The following MEGF11 variants were observed in gnomAD, a reference collection of about 807,000 sequenced individuals.
MEGF11 encodes the protein multiple epidermal growth factor-like domains protein 11.
Under a neutral mutation model 146.6 loss-of-function variants are expected in MEGF11, and 126 were observed. The observed-to-expected ratio is 0.86, with a 90% CI of 0.74 to 1.00. The LOEUF is 1.00. MEGF11 is among the 50% of genes least tolerant of loss of function. The pLI is 0.00. For missense variants in MEGF11, 1,509 were observed against 1,521.2 expected (o/e 0.99, Z 0.13); for synonymous variants, 532 against 583.4 (o/e 0.91, Z 1.27).
At chr15:66,192,433 G>A (rs2090906881) in intron 1 of MEGF11, among the ~76,000 whole-genome samples, 1 of 150,744 alleles carries the variant, frequency 6.6e-6, no homozygotes, top group Non-Finnish European at 1.5e-5. Flanking sequence ...TCATGCCACT[G>A]CACTCCAGCC....
intron 4 of MEGF11, among the ~76,000 whole-genome samples, chr15:66,101,863 A>G (rs1175530439): frequency 6.6e-6 from 1 of 152,202 alleles, no homozygotes; most frequent in Non-Finnish European, 1.5e-5. Flanking sequence ...ATCAAAGCCT[A>G]GGCTCTGGCC....
chr15:66,119,822 C>A (rs1194925494), intron 3 of MEGF11, among the ~76,000 whole-genome samples: 1 of 152,146 alleles, frequency 6.6e-6, no homozygotes, highest in African/African-American at 2.4e-5. Context: ...GCCCATGGAG[C>A]TGCAGCACTG....
intron 15 of MEGF11, among the ~76,000 whole-genome samples, chr15:65,920,981 C>T (rs186484844): frequency 3.3e-5 from 5 of 152,208 alleles, no homozygotes; most frequent in Admixed American, 2.0e-4. Flanking sequence ...AAGTGAACCT[C>T]GACATGTCAG....
intron 5 of MEGF11, among the ~76,000 whole-genome samples, chr15:66,085,766 CT>C (rs1250555335): frequency 6.6e-6 from 1 of 152,328 alleles, no homozygotes; most frequent in East Asian, 1.9e-4. Flanking sequence ...CAAAACAAGG[CT>C]CTTCAACACC....
At chr15:65,911,634 A>G (rs1300462073) in intron 21 of MEGF11, among the ~76,000 whole-genome samples, 5 of 152,186 alleles carry the variant, frequency 3.3e-5, no homozygotes, top group Admixed American at 2.0e-4. Context: ...GATGGTCTCA[A>G]TATCTCGACC....
chr15:66,164,264 C>T (rs2090037711), intron 1 of MEGF11, among the ~76,000 whole-genome samples: 1 of 152,152 alleles, frequency 6.6e-6, no homozygotes, highest in Non-Finnish European at 1.5e-5. Context: ...GGCCAGGCTG[C>T]CCTGGACTCA....
intron 5 of MEGF11, among the ~76,000 whole-genome samples, chr15:66,017,946 C>T (rs1567203610): frequency 6.6e-6 from 1 of 152,154 alleles, no homozygotes; most frequent in Non-Finnish European, 1.5e-5. Context: ...AGGGAAGGAG[C>T]CGCTCGCAGG....
intron 5 of MEGF11, among the ~76,000 whole-genome samples, chr15:65,997,929 G>T (rs1160871454): frequency 6.6e-6 from 1 of 152,134 alleles, no homozygotes; most frequent in Non-Finnish European, 1.5e-5. Flanking sequence ...AGATGGCCAT[G>T]GGAAGAGCGG....
chr15:66,006,503 G>C (rs1189007540), intron 5 of MEGF11, among the ~76,000 whole-genome samples: 1 of 152,178 alleles, frequency 6.6e-6, no homozygotes, highest in Non-Finnish European at 1.5e-5. Flanking sequence ...ATGTGGCTGA[G>C]CTCTAAGGGC....
intron 1 of MEGF11, among the ~76,000 whole-genome samples, chr15:66,134,327 G>A (rs2088791726): frequency 6.6e-6 from 1 of 152,242 alleles, no homozygotes; most frequent in South Asian, 2.1e-4. Context: ...CCAGCCCCTC[G>A]AAGATGAAGG....
chr15:65,966,908 A>G (rs1327756702), intron 8 of MEGF11, among the ~76,000 whole-genome samples: 3 of 151,838 alleles, frequency 2.0e-5, no homozygotes, highest in South Asian at 2.1e-4. Flanking sequence ...TGTCACAGCA[A>G]CTAGATCCGG....
At chr15:66,146,091 T>C (rs1368815719) in intron 1 of MEGF11, among the ~76,000 whole-genome samples, 1 of 152,158 alleles carries the variant, frequency 6.6e-6, no homozygotes, top group African/African-American at 2.4e-5. Context: ...ATTTGCTGGG[T>C]GATTTTGGGA....
chr15:66,169,206 C>G (rs2090178763), intron 1 of MEGF11, among the ~76,000 whole-genome samples: 1 of 152,246 alleles, frequency 6.6e-6, no homozygotes, highest in African/African-American at 2.4e-5. Context: ...CTGCCTGACG[C>G]AGCCACTCAA....
chr15:66,127,897 G>A (rs1486513622), intron 2 of MEGF11, among the ~76,000 whole-genome samples: 3 of 152,154 alleles, frequency 2.0e-5, no homozygotes, highest in East Asian at 1.9e-4. Flanking sequence ...AAGCTGCCAC[G>A]GGGCTGCCAG....
intron 5 of MEGF11, among the ~76,000 whole-genome samples, chr15:66,070,456 G>A (rs1329336097): frequency 6.6e-6 from 1 of 152,222 alleles, no homozygotes; most frequent in East Asian, 1.9e-4. Context: ...TGGCAGGAAA[G>A]GATTAAGCAT....
intron 1 of MEGF11, among the ~76,000 whole-genome samples, chr15:66,191,567 G>T (rs1240297225): frequency 6.6e-6 from 1 of 152,206 alleles, no homozygotes; most frequent in Non-Finnish European, 1.5e-5. Context: ...GCACTCATCT[G>T]CTTTCCCCCG....
chr15:65,980,116 T>G (rs2141673436), intron 7 of MEGF11, among the ~76,000 whole-genome samples: 1 of 152,352 alleles, frequency 6.6e-6, no homozygotes, highest in South Asian at 2.1e-4. Flanking sequence ...TTTCTCCTCC[T>G]TTCCCAGCCT....
intron 10 of MEGF11, among the ~76,000 whole-genome samples, chr15:65,939,237 G>T (rs756818688): frequency 4.6e-5 from 7 of 152,180 alleles, no homozygotes; most frequent in Non-Finnish European, 1.0e-4. Flanking sequence ...AAGGAAGTTG[G>T]CCTGGCTCAG....
At chr15:66,127,570 C>G (rs2088421587) in intron 2 of MEGF11, among the ~76,000 whole-genome samples, 1 of 152,206 alleles carries the variant, frequency 6.6e-6, no homozygotes, top group South Asian at 2.1e-4. Flanking sequence ...GATTTATTAA[C>G]ATGTAAGTGG....
Sources: gnomAD v4.1 joint callset for allele counts (sites outside exome capture counted in the v4.1 genomes callset) on GRCh38, gnomAD v4.1.1 for gene constraint, MANE v1.5 for transcripts, NCBI Gene and HGNC (gene_info 2026-07-23, HGNC 2026-07-21) for gene names.